GPC6: variants seen among roughly 807,000 people sequenced by gnomAD.
GPC6 encodes the protein glypican 6.
A neutral mutation model predicts 55.2 loss-of-function variants in GPC6; 14 were observed. That is an observed-to-expected ratio of 0.25 (90% confidence interval 0.17 to 0.40). The LOEUF is 0.40. Ranked by LOEUF, GPC6 falls within the 10% of genes least tolerant of loss-of-function variation. The pLI is 1.00. For missense variants in GPC6, 641 were observed against 708.5 expected, an observed-to-expected ratio of 0.90 and a Z score of 1.08; for synonymous variants, 278 against 259.6, an observed-to-expected ratio of 1.07 and a Z score of -0.68.
intron 2 of GPC6, among the ~76,000 whole-genome samples, chr13:93,582,135 A>G (rs537647844): frequency 6.6e-6 from 1 of 152,190 alleles, no homozygotes; most frequent in South Asian, 2.1e-4. Flanking sequence ...CCTTAGAAGA[A>G]CTCTCCTTGT....
chr13:93,656,428 C>T (rs998556389), intron 2 of GPC6, among the ~76,000 whole-genome samples: 2 of 152,134 alleles, frequency 1.3e-5, no homozygotes, highest in Admixed American at 1.3e-4. Context: ...GCTATCTCTC[C>T]TATACCTGGA....
At chr13:93,454,959 A>G (rs1057348328) in intron 1 of GPC6, among the ~76,000 whole-genome samples, 2 of 152,238 alleles carry the variant, frequency 1.3e-5, no homozygotes, top group African/African-American at 4.8e-5. Context: ...CCTGGTGAGA[A>G]ATCGAGCGCA....
In GPC6 at chr13:93,404,581, G is replaced by C. The variant is rs560025061; in HGVS notation, c.161-140682G>C. Among the ~76,000 whole-genome samples, 42 of 152,190 alleles carry C rather than the reference G, an allele frequency of 2.8e-4. 1 individual carries two copies. In the South Asian group the frequency reaches 8.5e-3, roughly 31 times the overall value. The stretch of plus-strand genomic sequence containing the variant: ...TCTTGGTAGATTGCTTGATTGATTA[G>C]CTTCCTAAATTACATTTTAAAATCA... On this transcript the variant is annotated intron_variant, in intron 1 of 8. Coordinates refer to ENST00000377047, the MANE Select transcript of GPC6 (RefSeq NM_005708.5).
Position 93,227,590 on chromosome 13 carries a change from C to A in GPC6, c.134C>A (p.Ala45Glu), listed in dbSNP as rs1211918250. 3.7e-6 allele frequency: 6 copies of A among 1,608,566 alleles called. No homozygotes were observed. In the South Asian group the frequency reaches 6.6e-5, roughly 18 times the overall value. The change falls in exon 1 of 9, where the codon GCG becomes GAG. Residue 45 changes from alanine (A) to glutamate (E), a missense_variant. By Grantham distance (107) the Ala-to-Glu change is moderately radical. Transcript: ENST00000377047. This position sits in a 1 kb window ranked among gnomAD's most constrained non-coding sequence, Gnocchi z 4.3. Reference sequence around the variant, plus strand: ...TACGGTGCCAAGGGATTCAGCCTGGCGGACATCCCCTACCAGGAGATCGCA... The same window carrying A: ...TACGGTGCCAAGGGATTCAGCCTGGAGGACATCCCCTACCAGGAGATCGCA... ...QAYGAKGFSL[A>E]DIPYQEIAGE...
chr13:94,244,453 A>G (rs948688832), intron 4 of GPC6, among the ~76,000 whole-genome samples: 10 of 152,064 alleles, frequency 6.6e-5, no homozygotes, highest in African/African-American at 1.9e-4. Context: ...CTAAATGTCT[A>G]TTACACAATA....
chr13:93,677,917 A>G (rs140408226), intron 2 of GPC6, among the ~76,000 whole-genome samples: 73 of 152,286 alleles, frequency 4.8e-4, no homozygotes, highest in African/African-American at 1.8e-3. Context: ...TTAATATTTC[A>G]ATTAAACTCA....
intron 3 of GPC6, among the ~76,000 whole-genome samples, chr13:93,896,933 A>G (rs924865208): frequency 6.6e-6 from 1 of 151,386 alleles, no homozygotes; most frequent in Non-Finnish European, 1.5e-5. Context: ...ATAATCAACT[A>G]TTGAGACCTC....
intron 4 of GPC6, among the ~76,000 whole-genome samples, chr13:94,273,352 A>G (rs565933045): frequency 2.2e-4 from 33 of 152,298 alleles, no homozygotes; most frequent in African/African-American, 7.5e-4. Context: ...TGAAATGTGC[A>G]AGTTAATAAA....
At chr13:94,397,570 C>T (rs1880945997) in intron 7 of GPC6, among the ~76,000 whole-genome samples, 1 of 152,136 alleles carries the variant, frequency 6.6e-6, no homozygotes, top group African/African-American at 2.4e-5. Flanking sequence ...CCACTGCTTA[C>T]TTCTGAAATG....
intron 2 of GPC6, among the ~76,000 whole-genome samples, chr13:93,816,852 T>A (rs1172956621): frequency 1.3e-5 from 2 of 152,202 alleles, no homozygotes; most frequent in Non-Finnish European, 2.9e-5. Flanking sequence ...TATACTTTCA[T>A]GTCTTTTGTT....
At chr13:93,361,381 C>T (rs1339781644) in intron 1 of GPC6, among the ~76,000 whole-genome samples, 2 of 152,060 alleles carry the variant, frequency 1.3e-5, no homozygotes, top group Non-Finnish European at 2.9e-5. Flanking sequence ...TAATTCCTTC[C>T]CACAAACCCC....
At chr13:94,331,716 G>T (rs887844695) in intron 6 of GPC6, among the ~76,000 whole-genome samples, 1 of 152,144 alleles carries the variant, frequency 6.6e-6, no homozygotes, top group African/African-American at 2.4e-5. Flanking sequence ...TGAAAATTCT[G>T]AGTTAAACCT....
chr13:93,768,420 C>A (rs1314394815), intron 2 of GPC6, among the ~76,000 whole-genome samples: 1 of 152,186 alleles, frequency 6.6e-6, no homozygotes, highest in Admixed American at 6.6e-5. Context: ...AATCTTACCT[C>A]CCCAAGCCTG....
chr13:93,575,339 C>T, intron 2 of GPC6, among the ~76,000 whole-genome samples: 1 of 152,074 alleles, frequency 6.6e-6, no homozygotes, highest in East Asian at 1.9e-4. Flanking sequence ...ACTTAAAACT[C>T]TATTGATGGG....
chr13:93,439,695 A>G (rs528423489), intron 1 of GPC6, among the ~76,000 whole-genome samples: 1 of 137,534 alleles, frequency 7.3e-6, no homozygotes, highest in Admixed American at 6.8e-5. Flanking sequence ...ATAAATAAAA[A>G]AAATAAAATA....
At chr13:93,853,734 C>A (rs1453955962) in intron 3 of GPC6, among the ~76,000 whole-genome samples, 1 of 151,598 alleles carries the variant, frequency 6.6e-6, no homozygotes. Flanking sequence ...GATAATGATA[C>A]ACGTTAATGT....
At chr13:93,689,845 AT>A (rs1204736226) in intron 2 of GPC6, among the ~76,000 whole-genome samples, 1 of 152,152 alleles carries the variant, frequency 6.6e-6, no homozygotes, top group Non-Finnish European at 1.5e-5. Flanking sequence ...TTTAAATACA[AT>A]TCCAGTTTGT....
chr13:93,425,374 G>A (rs7329962), intron 1 of GPC6, among the ~76,000 whole-genome samples: 36,740 of 151,918 alleles, frequency 0.24, 4,411 homozygotes, highest in Middle Eastern at 0.29. Flanking sequence ...TTCTAAAAAC[G>A]TAGGGAAAGG....
intron 1 of GPC6, among the ~76,000 whole-genome samples, chr13:93,352,713 GA>G (rs1030546195): frequency 7.2e-5 from 11 of 152,266 alleles, no homozygotes; most frequent in Non-Finnish European, 1.2e-4. Flanking sequence ...AGATTTCGCA[GA>G]TCTTGGAAGG....
Sources: allele counts gnomAD v4.1 joint callset (sites outside exome capture counted in the v4.1 genomes callset), GRCh38; gene constraint gnomAD v4.1.1; non-coding constraint Gnocchi (gnomAD v3.1); transcripts MANE v1.5; gene names NCBI Gene and HGNC (gene_info 2026-07-23, HGNC 2026-07-21).